RP1: variants seen among roughly 807,000 people sequenced by gnomAD.
The protein encoded by RP1 is oxygen-regulated protein 1.
RP1 carries 16 observed loss-of-function variants against 14.8 expected under a neutral mutation model. The observed-to-expected ratio is 1.08, with a 90% CI of 0.73 to 1.65. RP1 has a LOEUF of 1.65. Ranked by LOEUF, RP1 falls within the 40% of genes most tolerant of loss-of-function variation. The pLI, the probability that RP1 is intolerant of heterozygous loss-of-function variation, is 0.00. For synonymous variants in RP1, 876 were observed against 883.6 expected, an observed-to-expected ratio of 0.99 and a Z score of 0.15; for missense variants, 2,631 against 2,535.0, an observed-to-expected ratio of 1.04 and a Z score of -0.81.
intron 1 of RP1, among the ~76,000 whole-genome samples, chr8:54,593,979 C>T (rs1036592959): frequency 6.6e-6 from 1 of 152,244 alleles, no homozygotes; most frequent in African/African-American, 2.4e-5. Context: ...GCTTGCTGTC[C>T]AGCCCAGCAG....
At chr8:54,838,295 T>G (rs1241906593) in intron 25 of RP1, among the ~76,000 whole-genome samples, 1 of 152,212 alleles carries the variant, frequency 6.6e-6, no homozygotes. Context: ...GAAAGCAAAC[T>G]CACCCAATGT....
chr8:54,838,114 G>T (rs1363976866), intron 25 of RP1, among the ~76,000 whole-genome samples: 1 of 152,204 alleles, frequency 6.6e-6, no homozygotes, highest in African/African-American at 2.4e-5. Flanking sequence ...GTTCAGAGGT[G>T]ACAATATATA....
intron 7 of RP1, among the ~76,000 whole-genome samples, chr8:54,664,086 C>T (rs1806958068): frequency 6.6e-6 from 1 of 152,152 alleles, no homozygotes; most frequent in Admixed American, 6.6e-5. Flanking sequence ...CACCATTCTA[C>T]TTTCTATTTC....
At chr8:54,678,465 T>C (rs1807348899) in exon 9 of RP1, 1 of 1,533,914 alleles carries the variant, frequency 6.5e-7, no homozygotes, top group Non-Finnish European at 8.7e-7. Context: ...GTTTAGGAAA[T>C]GGTTGGTTTC....
intron 8 of RP1, among the ~76,000 whole-genome samples, chr8:54,677,663 G>T (rs2129334490): frequency 1.3e-5 from 2 of 152,208 alleles, no homozygotes; most frequent in African/African-American, 4.8e-5. Context: ...GGAGTTCAAG[G>T]CTATGGTGAA....
At chr8:54,705,115 T>C (rs1475783640) in intron 14 of RP1, among the ~76,000 whole-genome samples, 2 of 152,122 alleles carry the variant, frequency 1.3e-5, no homozygotes, top group South Asian at 2.1e-4. Flanking sequence ...GGGGGAACAG[T>C]CTATAATACT....
Position 54,621,526 on chromosome 8 carries a change from T to C in RP1, c.560T>C (p.Leu187Pro). Residue 187 changes from leucine (L) to proline (P), a missense_variant, in exon 2 of 4, where the codon CTG becomes CCG. By Grantham distance (98) the Leu-to-Pro change is moderately conservative. Coordinates refer to ENST00000220676, the MANE Select transcript of RP1 (RefSeq NM_006269.2). ...TQSFEAFLQH[L>P]TEVMQRPVVK... Reference sequence around the variant, plus strand: ...AGCTTCGAGGCATTTCTACAGCACCTGACAGAGGTCATGCAGCGCCCTGTG... The same window carrying C: ...AGCTTCGAGGCATTTCTACAGCACCCGACAGAGGTCATGCAGCGCCCTGTG... 1 of 1,614,198 alleles carries C rather than the reference T, an allele frequency of 6.2e-7. No individual in the cohort carries two copies. Among genetic ancestry groups the C allele is most frequent in the South Asian group, 1.1e-5 (1 of 91,088 alleles).
chr8:54,650,979 T>A (rs76213198), intron 4 of RP1, among the ~76,000 whole-genome samples: 4,440 of 151,932 alleles, frequency 0.029, 127 homozygotes, highest in African/African-American at 0.066. Flanking sequence ...ATTTTTTTTT[T>A]AATCATGAAA....
At chr8:54,805,269 A>T (rs1483514798) in intron 24 of RP1, among the ~76,000 whole-genome samples, 2 of 152,228 alleles carry the variant, frequency 1.3e-5, no homozygotes, top group East Asian at 1.9e-4. Flanking sequence ...GTTATATAGT[A>T]TATAATTAGT....
At chr8:54,687,912 A>C (rs542805002) in intron 12 of RP1, among the ~76,000 whole-genome samples, 3 of 152,278 alleles carry the variant, frequency 2.0e-5, no homozygotes, top group Non-Finnish European at 4.4e-5. Flanking sequence ...GGTTGAACTA[A>C]TTTACACTCC....
chr8:54,728,125 T>TAAATCC (rs1236456339), intron 17 of RP1, among the ~76,000 whole-genome samples: 13 of 152,112 alleles, frequency 8.5e-5, no homozygotes, highest in Non-Finnish European at 1.9e-4. Flanking sequence ...AATTTTGCCT[T>TAAATCC]CTCTGATTGC....
At position 54,799,833 on chromosome 8, in the gene RP1, C is replaced by T. The variant is rs892308483; in HGVS notation, c.3615+16123C>T. 3.3e-5 allele frequency among the ~76,000 whole-genome samples: 5 copies of T among 151,804 alleles called. No individual in the cohort carries two copies. In the East Asian group the frequency reaches 5.8e-4, roughly 18 times the overall value. On this transcript the variant is annotated intron_variant, in intron 24 of 28. Transcript: ENST00000637698. Reference sequence around the variant, plus strand: ...CATTTCACCTTTATATATGTGTATACATGCAATATATAATAACTGATTTTA... The same window carrying T: ...CATTTCACCTTTATATATGTGTATATATGCAATATATAATAACTGATTTTA...
upstream of RP1, among the ~76,000 whole-genome samples, chr8:54,615,803 C>A (rs549276065): frequency 1.3e-5 from 2 of 152,186 alleles, no homozygotes; most frequent in Non-Finnish European, 2.9e-5. Context: ...TGCACAATAA[C>A]AACTTTCTCC....
intron 19 of RP1, among the ~76,000 whole-genome samples, chr8:54,740,271 G>T (rs1809042927): frequency 6.6e-6 from 1 of 150,928 alleles, no homozygotes; most frequent in African/African-American, 2.4e-5. Flanking sequence ...CATGCATGTT[G>T]TTCCCCTGAA....
intron 2 of RP1, 67 bp from the exon 3 acceptor site, chr8:54,622,048 CAA>C: frequency 1.3e-6 from 2 of 1,525,456 alleles, no homozygotes; most frequent in Admixed American, 3.4e-5. Flanking sequence ...TTGATTCAAG[CAA>C]AGTTATAAAA....
chr8:54,694,313 T>G (rs1807799481), intron 12 of RP1, among the ~76,000 whole-genome samples: 2 of 152,172 alleles, frequency 1.3e-5, no homozygotes, highest in Admixed American at 1.3e-4. Context: ...GGCTTTGGTA[T>G]CAGGATGATG....
At chr8:54,613,621 G>T (rs1386011472), upstream of RP1, among the ~76,000 whole-genome samples, 1 of 152,122 alleles carries the variant, frequency 6.6e-6, no homozygotes. Flanking sequence ...ATATTGGAGG[G>T]TACTTACTTC....
rs1250640785 is a variant in RP1 at position 54,678,559 on chromosome 8, C to A, written c.1478+23C>A. Reference sequence around the variant, plus strand: ...CAGGTTTGTAGGTGTACTTTTACATCGAAAAAATCCATTTCATGTTAGTTC... The same window carrying A: ...CAGGTTTGTAGGTGTACTTTTACATAGAAAAAATCCATTTCATGTTAGTTC... On this transcript the variant is annotated intron_variant, in intron 9 of 22. Transcript: ENST00000636932. 9.9e-6 allele frequency: 15 copies of A among 1,516,970 alleles called. No homozygotes were observed. The Middle Eastern group carries it at 6.7e-4, about 68-fold the overall frequency. 94.0% of individuals were successfully genotyped at this position (1,516,970 alleles called of 1,614,324 possible).
chr8:54,869,141 T>C (rs1421765890), intron 28 of RP1, among the ~76,000 whole-genome samples: 1 of 152,152 alleles, frequency 6.6e-6, no homozygotes, highest in Non-Finnish European at 1.5e-5. Context: ...AATATAAAGA[T>C]AGTAAATTTT....
Sources: allele counts gnomAD v4.1 joint callset (sites outside exome capture counted in the v4.1 genomes callset), GRCh38; gene constraint gnomAD v4.1.1; transcripts MANE v1.5; gene names NCBI Gene and HGNC (gene_info 2026-07-23, HGNC 2026-07-21).